PATJ: variants seen among roughly 807,000 people sequenced by gnomAD.
PATJ encodes inaD-like protein.
PATJ carries 190 observed loss-of-function variants against 224.9 expected under a neutral mutation model. That is an observed-to-expected ratio of 0.84 (90% confidence interval 0.75 to 0.95). The LOEUF is 0.95. Ranked by LOEUF, PATJ falls within the 40% of genes least tolerant of loss-of-function variation. The pLI is 0.00. For synonymous variants in PATJ, 769 were observed against 820.3 expected (o/e 0.94, Z 1.07); for missense variants, 2,121 against 2,270.3 (o/e 0.93, Z 1.34).
At chr1:61,807,365 TG>T (rs1653807549) in intron 13 of PATJ, among the ~76,000 whole-genome samples, 1 of 151,982 alleles carries the variant, frequency 6.6e-6, no homozygotes, top group South Asian at 2.1e-4. Flanking sequence ...TTTTTAGAGA[TG>T]GTGTCTCGCT....
At chr1:61,829,553 A>G (rs2148768650) in intron 16 of PATJ, among the ~76,000 whole-genome samples, 1 of 152,344 alleles carries the variant, frequency 6.6e-6, no homozygotes, top group African/African-American at 2.4e-5. Context: ...CTTCCTGCCC[A>G]TTAGTTGATT....
intron 33 of PATJ, among the ~76,000 whole-genome samples, chr1:62,094,258 G>T (rs2148806934): frequency 6.6e-6 from 1 of 152,180 alleles, no homozygotes; most frequent in African/African-American, 2.4e-5. Flanking sequence ...TCCAGGTGTG[G>T]TGGTGTGTGC....
intron 14 of PATJ, among the ~76,000 whole-genome samples, chr1:61,814,576 G>A (rs1457396197): frequency 1.3e-5 from 2 of 151,718 alleles, no homozygotes; most frequent in East Asian, 3.9e-4. Flanking sequence ...ATGTGGGATA[G>A]AAGGGGTGTG....
rs3220577 is a variant in PATJ at position 62,094,608 on chromosome 1, C to CACAG, written c.4377+9961_4377+9962insCAGA. On this transcript the variant is annotated intron_variant, in intron 33 of 43. Transcript: ENST00000642238. ...ACACACACACACACACACACACACACAGAGATGTTAGTGTTATTTCTTCTA... is the reference window on the plus strand; with the variant it reads ...ACACACACACACACACACACACACACACAGAGAGATGTTAGTGTTATTTCTTCTA... 6.3e-5 allele frequency among the ~76,000 whole-genome samples: 9 copies of CACAG among 142,630 alleles called. No individual in the cohort carries two copies. In the East Asian group the frequency reaches 1.0e-3, roughly 17 times the overall value. 93.6% of individuals were successfully genotyped at this position (142,630 alleles called of 152,430 possible).
At chr1:62,130,829 C>T (rs535794856) in intron 41 of PATJ, among the ~76,000 whole-genome samples, 81 of 152,022 alleles carry the variant, frequency 5.3e-4, no homozygotes, top group Admixed American at 1.4e-3. Context: ...CCATCCTGGG[C>T]GACAGAGCAA....
intron 19 of PATJ, among the ~76,000 whole-genome samples, chr1:61,863,027 G>GTTTTTTTT (rs35033086): frequency 3.8e-5 from 3 of 79,996 alleles, no homozygotes; most frequent in Non-Finnish European, 5.0e-5. Flanking sequence ...ACTGTTTTCA[G>GTTTTTTTT]TTTTTTTTTT....
At chr1:61,882,770 G>A (rs1668281226) in intron 21 of PATJ, among the ~76,000 whole-genome samples, 1 of 152,078 alleles carries the variant, frequency 6.6e-6, no homozygotes. Flanking sequence ...TCACCATGTT[G>A]CCCAAGCTGG....
intron 26 of PATJ, among the ~76,000 whole-genome samples, chr1:61,917,211 T>G (rs1397505140): frequency 6.6e-6 from 1 of 152,190 alleles, no homozygotes; most frequent in Non-Finnish European, 1.5e-5. Flanking sequence ...ATAAACTAAA[T>G]TCCTCCTATG....
intron 14 of PATJ, among the ~76,000 whole-genome samples, chr1:61,822,301 A>G (rs1048224140): frequency 2.0e-5 from 3 of 152,068 alleles, no homozygotes; most frequent in Non-Finnish European, 2.9e-5. Flanking sequence ...GCACGCCTGT[A>G]GTCCCAGCTA....
chr1:61,939,518 T>C (rs1401573683), intron 27 of PATJ, among the ~76,000 whole-genome samples: 1 of 151,946 alleles, frequency 6.6e-6, no homozygotes, highest in Non-Finnish European at 1.5e-5. Flanking sequence ...CAGGTTTTTT[T>C]TGCCTATCAG....
chr1:61,904,708 T>A (rs1671634973), intron 24 of PATJ, among the ~76,000 whole-genome samples: 1 of 152,248 alleles, frequency 6.6e-6, no homozygotes, highest in South Asian at 2.1e-4. Context: ...ATAATCATGG[T>A]GGAAGGAGAA....
At chr1:62,076,720 T>G (rs1193119307) in intron 31 of PATJ, among the ~76,000 whole-genome samples, 1 of 152,214 alleles carries the variant, frequency 6.6e-6, no homozygotes, top group Non-Finnish European at 1.5e-5. Context: ...TATAGAAAAG[T>G]CGTAATTTAG....
chr1:61,779,942 G>A (rs967589430), intron 7 of PATJ, among the ~76,000 whole-genome samples: 1 of 152,058 alleles, frequency 6.6e-6, no homozygotes, highest in Admixed American at 6.6e-5. Context: ...CAATCAGAGT[G>A]AGAACTCACT....
At chr1:61,962,565 G>C (rs1681467450) in intron 27 of PATJ, among the ~76,000 whole-genome samples, 1 of 152,168 alleles carries the variant, frequency 6.6e-6, no homozygotes, top group Non-Finnish European at 1.5e-5. Context: ...GGGTTTTGAA[G>C]ACTTCTTTTA....
At chr1:62,097,208 G>A (rs1661495438) in intron 33 of PATJ, among the ~76,000 whole-genome samples, 1 of 151,980 alleles carries the variant, frequency 6.6e-6, no homozygotes. Context: ...ACTCTTCCCA[G>A]CATACATTGC....
chr1:61,867,537 T>C (rs1382581005), intron 20 of PATJ, among the ~76,000 whole-genome samples: 3 of 27,782 alleles, frequency 1.1e-4, no homozygotes, highest in African/African-American at 2.5e-4. Flanking sequence ...ATATTTACTC[T>C]GGAAGTTTAC....
intron 43 of PATJ, among the ~76,000 whole-genome samples, chr1:62,159,479 A>T (rs1180634583): frequency 6.6e-6 from 1 of 151,822 alleles, no homozygotes; most frequent in Admixed American, 6.6e-5. Flanking sequence ...GGCATGAGCC[A>T]CCATGTCCAG....
At chr1:61,808,646 C>T (rs1654063639) in intron 14 of PATJ, 116 bp downstream of exon 14, 4 of 618,410 alleles carry the variant, frequency 6.5e-6, no homozygotes, top group Non-Finnish European at 1.1e-5. Flanking sequence ...CCGTGTTTCC[C>T]TCCCAAAGTG....
intron 27 of PATJ, among the ~76,000 whole-genome samples, chr1:61,987,075 CTG>C (rs1055646408): frequency 6.6e-6 from 1 of 151,786 alleles, no homozygotes; most frequent in Non-Finnish European, 1.5e-5. Context: ...ATTGTGAATA[CTG>C]TGTTTCTTAA....
Sources: allele counts gnomAD v4.1 joint callset (sites outside exome capture counted in the v4.1 genomes callset), GRCh38; gene constraint gnomAD v4.1.1; transcripts MANE v1.5; gene names NCBI Gene and HGNC (gene_info 2026-07-23, HGNC 2026-07-21).